MYO3B: variants seen among roughly 807,000 people sequenced by gnomAD.
MYO3B encodes myosin IIIB, also known as myosin-IIIb.
A neutral mutation model predicts 174.6 loss-of-function variants in MYO3B; 156 were observed. The observed-to-expected ratio is 0.89, with a 90% CI of 0.78 to 1.02. The LOEUF is 1.02. Among genes scored for constraint, MYO3B ranks in the 50% least tolerant of loss-of-function variants. The pLI, the probability that MYO3B is intolerant of heterozygous loss-of-function variation, is 0.00. For missense variants in MYO3B, 1,632 were observed against 1,639.4 expected, an observed-to-expected ratio of 1.00 and a Z score of 0.08; for synonymous variants, 563 against 569.1, an observed-to-expected ratio of 0.99 and a Z score of 0.15.
intron 1 of MYO3B, among the ~76,000 whole-genome samples, chr2:170,193,182 A>C (rs2092560464): frequency 6.6e-6 from 1 of 151,902 alleles, no homozygotes; most frequent in South Asian, 2.1e-4. Context: ...TTGATACTGA[A>C]GGATTTATGA....
chr2:170,485,418 C>CAGAGAG (rs1386921638), intron 25 of MYO3B, among the ~76,000 whole-genome samples: 19 of 130,744 alleles, frequency 1.5e-4, no homozygotes, highest in East Asian at 2.3e-4. Flanking sequence ...CACACACACA[C>CAGAGAG]ACAGAGAGAG....
intron 7 of MYO3B, among the ~76,000 whole-genome samples, chr2:170,323,251 A>G (rs1318146288): frequency 2.0e-5 from 3 of 152,252 alleles, no homozygotes; most frequent in Non-Finnish European, 4.4e-5. Context: ...GAAAACACGT[A>G]AAACTCAACA....
chr2:170,200,212 T>C lies in MYO3B; in HGVS notation c.249T>C (p.Asn83=), dbSNP rs141049445. 330 of 1,613,608 alleles carry C rather than the reference T, an allele frequency of 2.0e-4. No homozygotes were observed. In the African/African-American group the frequency reaches 3.3e-3, roughly 16 times the overall value. ...TGCAGTTCCTTCCTAATCATCCCAA[T>C]GTTGTAAAGTTTTATGGGATGTTTT... ...NILQFLPNHP[N]VVKFYGMFYK... is the part of the protein sequence containing the mutation. Residue 83 remains asparagine, a synonymous_variant, in exon 3 of 35, where the codon AAT becomes AAC. Transcript: ENST00000408978.
chr2:170,402,069 T>G (rs1362605947), intron 18 of MYO3B, among the ~76,000 whole-genome samples: 1 of 152,202 alleles, frequency 6.6e-6, no homozygotes, highest in Non-Finnish European at 1.5e-5. Flanking sequence ...GTGTAGTATT[T>G]GAGAGAATAG....
intron 32 of MYO3B, among the ~76,000 whole-genome samples, chr2:170,547,963 C>A (rs1435251308): frequency 6.6e-6 from 1 of 151,566 alleles, no homozygotes; most frequent in African/African-American, 2.4e-5. Context: ...GGTTTGTAGC[C>A]GGGCGTGGTG....
At chr2:170,410,522 G>A (rs941718721) in intron 22 of MYO3B, among the ~76,000 whole-genome samples, 4 of 150,722 alleles carry the variant, frequency 2.7e-5, no homozygotes, top group South Asian at 2.1e-4. Flanking sequence ...TGGAGGTTGC[G>A]GTGAGCCAAG....
At chr2:170,537,857 A>C (rs547117216) in intron 30 of MYO3B, among the ~76,000 whole-genome samples, 1 of 152,312 alleles carries the variant, frequency 6.6e-6, no homozygotes, top group African/African-American at 2.4e-5. Flanking sequence ...ATTTACTAGG[A>C]GAAATACTCC....
chr2:170,444,582 A>G (rs2094826673), intron 23 of MYO3B, among the ~76,000 whole-genome samples: 1 of 152,246 alleles, frequency 6.6e-6, no homozygotes, highest in African/African-American at 2.4e-5. Flanking sequence ...GTGTTGGAGT[A>G]AAGGCTGGTC....
intron 25 of MYO3B, among the ~76,000 whole-genome samples, chr2:170,484,039 T>TA (rs1222390665): frequency 6.6e-6 from 1 of 152,228 alleles, no homozygotes; most frequent in Admixed American, 6.5e-5. Context: ...AGGGATGACT[T>TA]ACAGAAAAGA....
intron 8 of MYO3B, among the ~76,000 whole-genome samples, chr2:170,338,652 G>T (rs2093960122): frequency 6.6e-6 from 1 of 152,054 alleles, no homozygotes; most frequent in African/African-American, 2.4e-5. Context: ...GCCCAGGCTG[G>T]AGTACAGTGG....
chr2:170,193,737 A>G (rs1043803930), intron 1 of MYO3B, among the ~76,000 whole-genome samples: 2 of 152,110 alleles, frequency 1.3e-5, no homozygotes, highest in African/African-American at 2.4e-5. Flanking sequence ...TTAGCAATTT[A>G]TCAATTATCT....
chr2:170,603,590 C>G (rs1694646281), intron 32 of MYO3B, among the ~76,000 whole-genome samples: 1 of 151,980 alleles, frequency 6.6e-6, no homozygotes, highest in Non-Finnish European at 1.5e-5. Flanking sequence ...AACAGGAAAA[C>G]AGTAGTTATT....
chr2:170,535,048 T>C lies in MYO3B; in HGVS notation c.3576-7858T>C, dbSNP rs796976779. On this transcript the variant is annotated intron_variant, in intron 30 of 34. Coordinates refer to ENST00000408978, the MANE Select transcript of MYO3B (RefSeq NM_138995.5). ...TGCCTCCAATACTTTCTATCCCCCT[T>C]CCCTGCTTTAACTTTCCTCTTTGGC... Among the ~76,000 whole-genome samples the C allele has an allele frequency of 7.2e-5, 11 of 152,300 alleles. No homozygotes were observed. The East Asian group carries it at 1.7e-3, about 24-fold the overall frequency.
intron 16 of MYO3B, among the ~76,000 whole-genome samples, chr2:170,399,239 T>A: frequency 3.3e-5 from 1 of 30,460 alleles, no homozygotes; most frequent in Admixed American, 4.3e-4. Context: ...CGAAATTCCG[T>A]CTCAAAAAAA....
chr2:170,566,060 G>C (rs1403451548), intron 32 of MYO3B, among the ~76,000 whole-genome samples: 8 of 152,134 alleles, frequency 5.3e-5, no homozygotes, highest in African/African-American at 1.9e-4. Context: ...AAGGCAACTT[G>C]AAATATTAGT....
At chr2:170,277,442 G>A (rs998101549) in intron 7 of MYO3B, among the ~76,000 whole-genome samples, 1 of 152,158 alleles carries the variant, frequency 6.6e-6, no homozygotes, top group Admixed American at 6.6e-5. Flanking sequence ...TTTTCAAAGA[G>A]AGTCTTGATT....
At chr2:170,438,779 C>A (rs1352820075) in intron 22 of MYO3B, among the ~76,000 whole-genome samples, 2 of 151,916 alleles carry the variant, frequency 1.3e-5, no homozygotes, top group Non-Finnish European at 1.5e-5. Context: ...GGACCACAGG[C>A]GCCTGCCACC....
At chr2:170,215,991 T>A (rs540551072) in intron 5 of MYO3B, among the ~76,000 whole-genome samples, 1 of 152,288 alleles carries the variant, frequency 6.6e-6, no homozygotes, top group African/African-American at 2.4e-5. Flanking sequence ...GCAAAAGGAA[T>A]GTCTAGAAAT....
At chr2:170,645,801 G>A (rs1183076459) in intron 32 of MYO3B, among the ~76,000 whole-genome samples, 1 of 152,162 alleles carries the variant, frequency 6.6e-6, no homozygotes, top group Non-Finnish European at 1.5e-5. Flanking sequence ...TAGTCAATGT[G>A]CTATATGTTA....
Sources: allele counts gnomAD v4.1 joint callset (sites outside exome capture counted in the v4.1 genomes callset), GRCh38; gene constraint gnomAD v4.1.1; transcripts MANE v1.5; gene names NCBI Gene and HGNC (gene_info 2026-07-23, HGNC 2026-07-21).